Variants in LIMCH1 observed in about 807,000 individuals in gnomAD.
LIMCH1 encodes the protein LIM and calponin homology domains 1, also known as LIM and calponin homology domains-containing protein 1.
Under a neutral mutation model 176.5 loss-of-function variants are expected in LIMCH1, and 113 were observed. The observed-to-expected ratio is 0.64, with a 90% CI of 0.55 to 0.75. LIMCH1 has a LOEUF of 0.75. Among genes scored for constraint, LIMCH1 ranks in the 30% least tolerant of loss-of-function variants. The pLI, the probability that LIMCH1 is intolerant of heterozygous loss-of-function variation, is 0.00. For missense variants in LIMCH1, 1,674 were observed against 1,814.9 expected (o/e 0.92, Z 1.41); for synonymous variants, 619 against 645.9 (o/e 0.96, Z 0.63).
chr4:41,551,542 A>G (rs1481746750), intron 1 of LIMCH1: 1 of 152,222 alleles, frequency 6.6e-6, no homozygotes, highest in Non-Finnish European at 1.5e-5. Context: ...AGATGAAATT[A>G]GAGTGTTTGG....
At chr4:41,460,389 A>C (rs1421346733) in intron 1 of LIMCH1, among the ~76,000 whole-genome samples, 2 of 147,516 alleles carry the variant, frequency 1.4e-5, no homozygotes, top group Non-Finnish European at 3.0e-5. Flanking sequence ...CTTCACCTAT[A>C]TTACACGTTG....
chr4:41,531,641 T>C (rs1049150399), intron 3 of LIMCH1, among the ~76,000 whole-genome samples: 4 of 152,190 alleles, frequency 2.6e-5, no homozygotes, highest in African/African-American at 9.6e-5. Flanking sequence ...CTATGACTAA[T>C]GGTTAGCTCT....
intron 14 of LIMCH1, among the ~76,000 whole-genome samples, chr4:41,639,248 CTG>C (rs1387067693): frequency 3.3e-5 from 5 of 152,172 alleles, no homozygotes; most frequent in Non-Finnish European, 7.4e-5. Context: ...TTGTTATGGT[CTG>C]AACATTGGTA....
chr4:41,633,207 A>G (rs2093416839), intron 12 of LIMCH1, 122 bp downstream of exon 12: 1 of 688,740 alleles, frequency 1.5e-6, no homozygotes, highest in African/African-American at 1.8e-5. Flanking sequence ...AGCGTGGAGT[A>G]AAGTCACTAA....
chr4:41,456,929 G>A (rs768544212), intron 1 of LIMCH1, among the ~76,000 whole-genome samples: 16 of 149,898 alleles, frequency 1.1e-4, no homozygotes, highest in Non-Finnish European at 1.7e-4. Context: ...TCACAGTATG[G>A]GGGCTGAGTT....
At position 41,650,449 on chromosome 4, in the gene LIMCH1, AAG is replaced by A. The variant is rs2094245610; in HGVS notation, c.2882_2883del (p.Glu961ValfsTer17). On this transcript the variant is annotated frameshift_variant, in exon 18 of 32. Coordinates refer to ENST00000503057, the MANE Select transcript of LIMCH1 (RefSeq NM_001330672.2). LOFTEE classifies it high-confidence loss of function. ...ETVHREEEKE[R>X]ECPTVAPAHS... The stretch of plus-strand genomic sequence containing the variant: ...CGGTTCATAGAGAGGAGGAGAAGGA[AAG>A]AGAGTGTCCCACGGTGGCACCTGCC... 2.5e-6 allele frequency: 4 copies of A among 1,613,990 alleles called. No individual in the cohort carries two copies. The highest frequency in any genetic ancestry group is 3.4e-6 in the Non-Finnish European group (4 of 1,180,010).
intron 27 of LIMCH1, among the ~76,000 whole-genome samples, chr4:41,684,946 C>T (rs1373967531): frequency 1.3e-5 from 2 of 152,104 alleles, no homozygotes; most frequent in African/African-American, 4.8e-5. Flanking sequence ...CCCTCATTCC[C>T]ACCTGTGTCT....
At chr4:41,462,266 A>C (rs1464519154) in intron 1 of LIMCH1, among the ~76,000 whole-genome samples, 1 of 152,160 alleles carries the variant, frequency 6.6e-6, no homozygotes, top group Non-Finnish European at 1.5e-5. Context: ...GTCCCAGTTG[A>C]CTTGTATCCT....
intron 1 of LIMCH1, among the ~76,000 whole-genome samples, chr4:41,458,314 C>T (rs916774561): frequency 6.6e-6 from 1 of 151,972 alleles, no homozygotes; most frequent in Non-Finnish European, 1.5e-5. Flanking sequence ...GTAAAAAAAC[C>T]AAATAAATAT....
chr4:41,574,924 C>G (rs2084214045), intron 1 of LIMCH1, among the ~76,000 whole-genome samples: 1 of 152,160 alleles, frequency 6.6e-6, no homozygotes, highest in African/African-American at 2.4e-5. Flanking sequence ...CCACTGAATT[C>G]ATCTTGGAGG....
chr4:41,673,756 G>T (rs971318474), intron 22 of LIMCH1, among the ~76,000 whole-genome samples: 41 of 152,174 alleles, frequency 2.7e-4, no homozygotes, highest in African/African-American at 9.9e-4. Context: ...AGGAGGATGA[G>T]GGGCTCTTCC....
intron 17 of LIMCH1, among the ~76,000 whole-genome samples, chr4:41,648,613 C>G (rs1228151556): frequency 2.0e-5 from 3 of 150,054 alleles, no homozygotes; most frequent in African/African-American, 7.4e-5. Context: ...CAAATCAGAC[C>G]GTTGTTACCA....
intron 20 of LIMCH1, among the ~76,000 whole-genome samples, chr4:41,663,505 C>A (rs6447104): frequency 0.59 from 88,919 of 151,816 alleles, 27,131 homozygotes; most frequent in African/African-American, 0.71. Context: ...ATTTGTTAGC[C>A]ATGGTAATTC....
chr4:41,676,541 AC>A, intron 23 of LIMCH1, 79 bp downstream of exon 23: 1 of 1,017,512 alleles, frequency 9.8e-7, no homozygotes, highest in Non-Finnish European at 1.5e-6. Context: ...GACTTTTAGC[AC>A]AGGAAATGAA....
chr4:41,664,515 A>G (rs2094753632), intron 20 of LIMCH1, among the ~76,000 whole-genome samples: 3 of 152,230 alleles, frequency 2.0e-5, no homozygotes, highest in Admixed American at 1.3e-4. Context: ...AAGGGGAACT[A>G]AACTGGGAGT....
At chr4:41,409,074 G>A (rs1383494070) in intron 1 of LIMCH1, among the ~76,000 whole-genome samples, 2 of 152,288 alleles carry the variant, frequency 1.3e-5, no homozygotes, top group South Asian at 2.1e-4. Flanking sequence ...CAGTGTGGGA[G>A]TGTGTGCTTG....
chr4:41,403,452 G>T (rs993466635), intron 1 of LIMCH1, among the ~76,000 whole-genome samples: 4 of 152,004 alleles, frequency 2.6e-5, no homozygotes, highest in African/African-American at 9.7e-5. Flanking sequence ...GTGGTGGCGC[G>T]TGTCTGTAAT....
intron 1 of LIMCH1, among the ~76,000 whole-genome samples, chr4:41,481,023 T>G (rs570112202): frequency 6.7e-6 from 1 of 149,188 alleles, no homozygotes; most frequent in Admixed American, 6.7e-5. Context: ...TTAATTAGAT[T>G]TTTTTTTTTT....
chr4:41,483,381 C>T (rs571099833), intron 1 of LIMCH1, among the ~76,000 whole-genome samples: 1 of 152,190 alleles, frequency 6.6e-6, no homozygotes, highest in African/African-American at 2.4e-5. Flanking sequence ...AGATCATTGG[C>T]TATACATAGG....
Sources: gnomAD v4.1 joint callset for allele counts (sites outside exome capture counted in the v4.1 genomes callset) on GRCh38, gnomAD v4.1.1 for gene constraint, MANE v1.5 for transcripts, NCBI Gene and HGNC (gene_info 2026-07-23, HGNC 2026-07-21) for gene names.